Variants in SLC25A48 observed in about 807,000 individuals in gnomAD.
SLC25A48 encodes the protein CTC-321K16.1.
Under a neutral mutation model 32.2 loss-of-function variants are expected in SLC25A48, and 29 were observed. The observed-to-expected ratio is 0.90, with a 90% CI of 0.67 to 1.23. SLC25A48 has a LOEUF of 1.23. Ranked by LOEUF, SLC25A48 falls within the 50% of genes most tolerant of loss-of-function variation. The probability of loss-of-function intolerance (pLI) is 0.00; values close to 1 mark genes in which losing one functional copy is unlikely to be tolerated. For missense variants in SLC25A48, 399 were observed against 422.7 expected (o/e 0.94, Z 0.49); for synonymous variants, 164 against 172.3 (o/e 0.95, Z 0.38).
Position 135,852,582 on chromosome 5 carries a change from G to A in SLC25A48, c.182G>A (p.Gly61Asp). The change falls in exon 4 of 8, where the codon GGC (glycine) becomes GAC (aspartate). Residue 61 changes from glycine to aspartate, a missense_variant. Physicochemically the swap from Gly to Asp is moderately conservative, Grantham distance 94. Coordinates refer to ENST00000681962, the MANE Select transcript of SLC25A48 (RefSeq NM_001349336.2). ...RRESMFGFFK[G>D]MSFPLASIAV... ...CTGCAGATGTTCGGCTTCTTCAAGG[G>A]CATGTCCTTCCCCCTCGCCAGCATT... 1.3e-6 allele frequency: 2 copies of A among 1,599,608 alleles called. No homozygotes were observed. The highest frequency in any genetic ancestry group is 1.7e-6 in the Non-Finnish European group (2 of 1,167,966).
chr5:135,614,309 T>C (rs905309442), intron 1 of SLC25A48, among the ~76,000 whole-genome samples: 1 of 152,224 alleles, frequency 6.6e-6, no homozygotes, highest in Non-Finnish European at 1.5e-5. Context: ...TTTATCAGAC[T>C]TAAGAGTTTT....
At chr5:135,735,507 T>G (rs1223379569) in intron 3 of SLC25A48, among the ~76,000 whole-genome samples, 1 of 152,204 alleles carries the variant, frequency 6.6e-6, no homozygotes, top group Non-Finnish European at 1.5e-5. Flanking sequence ...CTTGGGTAGT[T>G]TCTTTAAGCT....
At chr5:135,872,441 C>T (rs1032960966) in intron 5 of SLC25A48, 1 of 152,404 alleles carries the variant, frequency 6.6e-6, no homozygotes, top group Non-Finnish European at 1.5e-5. Flanking sequence ...CTTCCCTGAC[C>T]ACAGGGCCTT....
intron 1 of SLC25A48, chr5:135,609,525 G>A (rs1752017072): frequency 6.6e-6 from 1 of 152,274 alleles, no homozygotes; most frequent in South Asian, 2.1e-4. Context: ...GATTGGAGAA[G>A]CCTCATCTCC....
At chr5:135,730,560 C>T (rs977428634) in intron 3 of SLC25A48, among the ~76,000 whole-genome samples, 7 of 152,068 alleles carry the variant, frequency 4.6e-5, no homozygotes, top group Non-Finnish European at 8.8e-5. Flanking sequence ...ACCATGAAAA[C>T]GAACTAATAC....
intron 3 of SLC25A48, among the ~76,000 whole-genome samples, chr5:135,742,751 A>G (rs765027644): frequency 2.0e-5 from 3 of 152,104 alleles, no homozygotes; most frequent in Non-Finnish European, 4.4e-5. Context: ...TAGGAAGAAA[A>G]TAAGGCTATT....
At chr5:135,630,937 G>A (rs1030062326) in intron 2 of SLC25A48, among the ~76,000 whole-genome samples, 1 of 152,052 alleles carries the variant, frequency 6.6e-6, no homozygotes, top group Non-Finnish European at 1.5e-5. Flanking sequence ...CACATCCCAG[G>A]TACTTAACAA....
At chr5:135,776,021 A>C (rs1384097707) in intron 3 of SLC25A48, among the ~76,000 whole-genome samples, 4 of 151,732 alleles carry the variant, frequency 2.6e-5, no homozygotes, top group Non-Finnish European at 5.9e-5. Flanking sequence ...ACATGGTTCC[A>C]TATATTGTCC....
intron 3 of SLC25A48, among the ~76,000 whole-genome samples, chr5:135,639,890 A>C (rs982908932): frequency 6.6e-6 from 1 of 152,244 alleles, no homozygotes; most frequent in Non-Finnish European, 1.5e-5. Flanking sequence ...CAGTGTGAGG[A>C]ATACAACAAA....
At chr5:135,795,292 G>C (rs1757140755) in intron 3 of SLC25A48, among the ~76,000 whole-genome samples, 1 of 151,830 alleles carries the variant, frequency 6.6e-6, no homozygotes, top group South Asian at 2.1e-4. Flanking sequence ...AATATCCAGT[G>C]GGGAGAGGAT....
At chr5:135,621,720 T>C (rs1752329842) in intron 1 of SLC25A48, among the ~76,000 whole-genome samples, 1 of 152,122 alleles carries the variant, frequency 6.6e-6, no homozygotes, top group Non-Finnish European at 1.5e-5. Flanking sequence ...TCTTTCACTA[T>C]ATCGGTGTTT....
intron 1 of SLC25A48, 35 bp downstream of exon 1, chr5:135,834,928 G>C (rs747747419): frequency 1.2e-5 from 19 of 1,589,498 alleles, no homozygotes; most frequent in Non-Finnish European, 1.6e-5. Context: ...CGGTCAGAGA[G>C]AGCGAGCCTG....
In SLC25A48 at chr5:135,835,678, T is replaced by TAAAAAA. The variant is rs35114794; in HGVS notation, c.46+806_46+811dup. 5.6e-3 allele frequency among the ~76,000 whole-genome samples: 391 copies of TAAAAAA among 70,368 alleles called. 22 individuals are homozygous for TAAAAAA. The highest frequency in any genetic ancestry group is 0.02 in the African/African-American group (343 of 17,180). The allele number at this position is 70,368 out of a possible 152,430, so 46.2% of individuals were successfully genotyped here. On this transcript the variant is annotated intron_variant, in intron 1 of 7. Coordinates refer to ENST00000681962, the MANE Select transcript of SLC25A48 (RefSeq NM_001349336.2). Reference sequence around the variant, plus strand: ...GAAGTTTGAGGGACTTTGCTAATTGTAAAAAAAAAAAAAAAAAAAAAAAAA... The same window carrying TAAAAAA: ...GAAGTTTGAGGGACTTTGCTAATTGTAAAAAAAAAAAAAAAAAAAAAAAAAAAAAAA...
intron 4 of SLC25A48, among the ~76,000 whole-genome samples, chr5:135,868,677 T>TACAC (rs34148471): frequency 0.03 from 4,454 of 149,086 alleles, 90 homozygotes; most frequent in East Asian, 0.072. Context: ...CACACACACA[T>TACAC]ACACACACAC....
intron 3 of SLC25A48, among the ~76,000 whole-genome samples, chr5:135,704,162 G>A (rs2126968715): frequency 6.6e-6 from 1 of 152,316 alleles, no homozygotes; most frequent in South Asian, 2.1e-4. Context: ...GCGGGAGAGA[G>A]GAGCCTCTAG....
chr5:135,849,916 G>A lies in SLC25A48; in HGVS notation c.91-509G>A, dbSNP rs565986065. On this transcript the variant is annotated intron_variant, in intron 2 of 7. Transcript: ENST00000681962. ...TACATTTGATGGGAGGCCACTGGAG[G>A]CTTCATTGACCTTTGAAAATGATCA... 2.0e-5 allele frequency among the ~76,000 whole-genome samples: 3 copies of A among 152,268 alleles called. No individual in the cohort carries two copies. In the East Asian group the frequency reaches 5.8e-4, roughly 30 times the overall value.
chr5:135,742,354 T>G (rs1337873190), intron 3 of SLC25A48: 3 of 936,562 alleles, frequency 3.2e-6, no homozygotes, highest in Admixed American at 6.5e-5. Flanking sequence ...GTGCTGGGAT[T>G]ACAAGCATGA....
In SLC25A48 at chr5:135,814,645, C is replaced by T. The variant is rs376037754; in HGVS notation, c.-117+1719C>T. On this transcript the variant is annotated intron_variant, in intron 4 of 10. Transcript: ENST00000646290. ...GCTCCGGAGTCAGAGGGACCTGGGA[C>T]CAGGCACCCAGACACACTGACCTCA... Among the ~76,000 whole-genome samples, 5 of 152,322 alleles carry T rather than the reference C, an allele frequency of 3.3e-5. No individual in the cohort carries two copies. In the East Asian group the frequency reaches 5.8e-4, roughly 18 times the overall value.
chr5:135,820,742 T>A (rs182318570), intron 4 of SLC25A48, among the ~76,000 whole-genome samples: 1 of 152,232 alleles, frequency 6.6e-6, no homozygotes, highest in Admixed American at 6.5e-5. Context: ...TTGAGTCGAG[T>A]GACTATTCAA....
Sources: allele counts gnomAD v4.1 joint callset (sites outside exome capture counted in the v4.1 genomes callset), GRCh38; gene constraint gnomAD v4.1.1; transcripts MANE v1.5; gene names NCBI Gene and HGNC (gene_info 2026-07-23, HGNC 2026-07-21).